Variants in SHOC1 observed in about 807,000 individuals in gnomAD.
SHOC1 encodes shortage in chiasmata 1.
In SHOC1, 136 loss-of-function variants were observed where a neutral mutation model predicts 179.2. The observed-to-expected ratio is 0.76, with a 90% CI of 0.66 to 0.87. The LOEUF is 0.87. Among genes scored for constraint, SHOC1 ranks in the 40% least tolerant of loss-of-function variants. The pLI is 0.00. For missense variants in SHOC1, 1,538 were observed against 1,700.8 expected (o/e 0.90, Z 1.68); for synonymous variants, 489 against 586.6 (o/e 0.83, Z 2.41).
intron 24 of SHOC1, among the ~76,000 whole-genome samples, chr9:111,696,580 C>G (rs901164300): frequency 6.6e-6 from 1 of 152,120 alleles, no homozygotes; most frequent in Non-Finnish European, 1.5e-5. Flanking sequence ...ATAGTTTGAT[C>G]CAGGTGGAAA....
At chr9:111,687,369 A>G (rs942047699) in intron 27 of SHOC1, among the ~76,000 whole-genome samples, 1 of 152,254 alleles carries the variant, frequency 6.6e-6, no homozygotes, top group East Asian at 1.9e-4. Flanking sequence ...TGTTTTTAAC[A>G]TAAATGCCTC....
At chr9:111,775,704 T>A (rs553588366) in intron 5 of SHOC1, 87 bp downstream of exon 5, 21 of 1,180,566 alleles carry the variant, frequency 1.8e-5, no homozygotes, top group Admixed American at 8.7e-5. Context: ...AAAAATTTTT[T>A]ATTCAACTCA....
At chr9:111,793,103 C>G (rs1316341812) in intron 1 of SHOC1, among the ~76,000 whole-genome samples, 2 of 152,116 alleles carry the variant, frequency 1.3e-5, no homozygotes, top group Admixed American at 1.3e-4. Context: ...TGGATGGTCT[C>G]GATCTCCTGA....
chr9:111,758,098 T>G lies in SHOC1; in HGVS notation c.694A>C (p.Ile232Leu), dbSNP rs1291577033. 6.6e-7 allele frequency: 1 copy of G among 1,521,390 alleles called. No individual in the cohort carries two copies. The highest frequency in any genetic ancestry group is 1.9e-5 in the Admixed American group (1 of 53,278). The allele number at this position is 1,521,390 out of a possible 1,614,324, so 94.2% of individuals were successfully genotyped here. ...AGTATTACAACCTCATTTAAACATATTGTATCTTCTAGTTTCTCTTGACAA... is the reference window on the plus strand; with the variant it reads ...AGTATTACAACCTCATTTAAACATAGTGTATCTTCTAGTTTCTCTTGACAA... ...NFCQEKLEDT[I>L]CLNEPSSFLI... Residue 232 changes from isoleucine to leucine, a missense_variant, in exon 7 of 28, where the codon ATA (isoleucine) becomes CTA (leucine). Transcript: ENST00000682961.
At chr9:111,718,315 AC>A (rs1375062212) in intron 15 of SHOC1, 27 bp from the exon 16 acceptor site, 1 of 1,452,414 alleles carries the variant, frequency 6.9e-7, no homozygotes, top group Non-Finnish European at 9.5e-7. Flanking sequence ...GTATTTTAAA[AC>A]ATAGACTATA....
intron 10 of SHOC1, 65 bp from the exon 11 acceptor site, chr9:111,741,635 T>C (rs1834045360): frequency 2.3e-6 from 2 of 859,590 alleles, no homozygotes; most frequent in African/African-American, 3.6e-5. Context: ...TAAAATTTTA[T>C]TTTATTTTAT....
chr9:111,691,414 TTC>T (rs1831414364), intron 27 of SHOC1, 135 bp downstream of exon 27: 1 of 743,780 alleles, frequency 1.3e-6, no homozygotes, highest in Non-Finnish European at 2.1e-6. Flanking sequence ...AGTTTAGATT[TTC>T]TCTTTTACCC....
intron 19 of SHOC1, among the ~76,000 whole-genome samples, chr9:111,707,087 A>G (rs1036151056): frequency 2.6e-5 from 4 of 152,062 alleles, no homozygotes; most frequent in African/African-American, 9.7e-5. Flanking sequence ...TAAGGTCTTA[A>G]TCTTAGATAA....
chr9:111,697,273 T>C (rs1831742825), intron 24 of SHOC1, among the ~76,000 whole-genome samples: 1 of 151,964 alleles, frequency 6.6e-6, no homozygotes, highest in South Asian at 2.1e-4. Context: ...ACATGTGCCA[T>C]GTTGGAGTGC....
intron 15 of SHOC1, among the ~76,000 whole-genome samples, chr9:111,721,297 CT>C (rs1202766939): frequency 6.6e-6 from 1 of 152,096 alleles, no homozygotes; most frequent in Non-Finnish European, 1.5e-5. Flanking sequence ...TGGTTTGTTT[CT>C]CCAACTCCAG....
rs527261159 is a variant in SHOC1, at chr9:111,686,765, C to T, written c.*5G>A. 2 of 1,588,324 alleles carry T rather than the reference C, an allele frequency of 1.3e-6. No individual in the cohort carries two copies. Among genetic ancestry groups the T allele is most frequent in the Non-Finnish European group, 1.7e-6 (2 of 1,157,202 alleles). On this transcript the variant is annotated 3_prime_UTR_variant, in exon 28 of 28. Transcript: ENST00000682961. ...TATGGCATGTAACATTGCTCTTCTCCTCCTTCAAAAAAACCTCAGCCGAGT... is the reference window on the plus strand; with the variant it reads ...TATGGCATGTAACATTGCTCTTCTCTTCCTTCAAAAAAACCTCAGCCGAGT...
intron 4 of SHOC1, among the ~76,000 whole-genome samples, chr9:111,779,326 C>T (rs860320): frequency 0.62 from 93,748 of 151,958 alleles, 29,437 homozygotes; most frequent in East Asian, 0.9. Flanking sequence ...TCTGCATTTC[C>T]AATCTATTTC....
At chr9:111,729,875 T>C (rs1432449868) in intron 12 of SHOC1, among the ~76,000 whole-genome samples, 1 of 118,768 alleles carries the variant, frequency 8.4e-6, no homozygotes, top group Non-Finnish European at 1.7e-5. Flanking sequence ...CTGGTGAGAG[T>C]GAGACTTGGT....
intron 3 of SHOC1, 111 bp from the exon 4 acceptor site, chr9:111,781,128 A>G: frequency 1.4e-6 from 1 of 736,010 alleles, no homozygotes; most frequent in East Asian, 2.8e-5. Context: ...TTATTCACAA[A>G]TGTATTTTTT....
intron 9 of SHOC1, 122 bp downstream of exon 9, chr9:111,747,970 A>G (rs1030499218): frequency 1.7e-6 from 1 of 603,740 alleles, no homozygotes; most frequent in Non-Finnish European, 2.9e-6. Flanking sequence ...TGACAGGATT[A>G]TAACAATCCA....
At chr9:111,708,352 G>A (rs117744554) in intron 18 of SHOC1, among the ~76,000 whole-genome samples, 2,236 of 152,058 alleles carry the variant, frequency 0.015, 25 homozygotes, top group Non-Finnish European at 0.022. Flanking sequence ...ACAAGTGCCT[G>A]CCACCACGCC....
intron 12 of SHOC1, 90 bp from the exon 13 acceptor site, chr9:111,728,139 T>C: frequency 2.2e-6 from 2 of 928,482 alleles, no homozygotes; most frequent in Non-Finnish European, 3.0e-6. Context: ...TTGTGGTTTC[T>C]TATTAATGTA....
At chr9:111,712,299 AT>A (rs1832586304) in intron 18 of SHOC1, among the ~76,000 whole-genome samples, 1 of 152,182 alleles carries the variant, frequency 6.6e-6, no homozygotes, top group East Asian at 1.9e-4. Context: ...TAGGTACACA[AT>A]TGTCCATGGA....
intron 5 of SHOC1, among the ~76,000 whole-genome samples, chr9:111,765,533 T>C (rs746834731): frequency 6.6e-6 from 1 of 151,740 alleles, no homozygotes; most frequent in Non-Finnish European, 1.5e-5. Context: ...GAGGTTGCAG[T>C]GAGCAGAGAT....
Sources: allele counts gnomAD v4.1 joint callset (sites outside exome capture counted in the v4.1 genomes callset), GRCh38; gene constraint gnomAD v4.1.1; transcripts MANE v1.5; gene names NCBI Gene and HGNC (gene_info 2026-07-23, HGNC 2026-07-21).